ASB1: variants seen among roughly 807,000 people sequenced by gnomAD.
The protein encoded by ASB1 is ankyrin repeat and SOCS box containing 1, also known as ankyrin repeat and SOCS box protein 1.
In ASB1, 18 loss-of-function variants were observed where a neutral mutation model predicts 27.7. The ratio of observed to expected loss-of-function variants is 0.65; its 90% CI spans 0.45 to 0.96. The LOEUF (loss-of-function observed/expected upper bound fraction) is 0.96. Among genes scored for constraint, ASB1 ranks in the 50% least tolerant of loss-of-function variants. The pLI, the probability that ASB1 is intolerant of heterozygous loss-of-function variation, is 0.00. For missense variants in ASB1, 397 were observed against 451.7 expected (o/e 0.88, Z 1.10); for synonymous variants, 189 against 187.6 (o/e 1.01, Z -0.06).
At chr2:238,441,361 C>A (rs901870898) in intron 3 of ASB1, among the ~76,000 whole-genome samples, 2 of 152,144 alleles carry the variant, frequency 1.3e-5, no homozygotes, top group South Asian at 4.1e-4. Context: ...TCTCGAACTC[C>A]TGGCCTCAAG....
At position 238,444,301 on chromosome 2, in the gene ASB1, C is replaced by T. The variant is rs1485049467; in HGVS notation, c.495-41C>T. The T allele has an allele frequency of 2.6e-6, 4 of 1,556,748 alleles. No homozygotes were observed. The Admixed American group carries it at 5.3e-5, about 21-fold the overall frequency. ...ATCTGTGGGATCTGTGGGCTGTGGTCAGTCCCCTGCACAGTCTGACTTTCC... is the reference window on the plus strand; with the variant it reads ...ATCTGTGGGATCTGTGGGCTGTGGTTAGTCCCCTGCACAGTCTGACTTTCC... On this transcript the variant is annotated intron_variant, in intron 3 of 4. Coordinates refer to ENST00000264607, the MANE Select transcript of ASB1 (RefSeq NM_001040445.3).
intron 3 of ASB1, among the ~76,000 whole-genome samples, 173 bp from the exon 4 acceptor site, chr2:238,444,169 C>T (rs1174623967): frequency 2.0e-5 from 3 of 152,198 alleles, no homozygotes; most frequent in Non-Finnish European, 4.4e-5. Context: ...TTCCTGCTAC[C>T]TTATCTTGCT....
intron 3 of ASB1, among the ~76,000 whole-genome samples, chr2:238,439,775 G>A (rs944897399): frequency 1.3e-5 from 2 of 152,152 alleles, no homozygotes; most frequent in African/African-American, 4.8e-5. Context: ...ATCGCAGTGT[G>A]TCCATTACTG....
chr2:238,436,750 T>C (rs1057044496), intron 3 of ASB1, among the ~76,000 whole-genome samples: 8 of 144,856 alleles, frequency 5.5e-5, no homozygotes, highest in African/African-American at 2.1e-4. Flanking sequence ...ATATTATACT[T>C]TGTTAGGTTA....
chr2:238,427,780 C>G (rs909170669), intron 1 of ASB1: 1 of 152,380 alleles, frequency 6.6e-6, no homozygotes, highest in Admixed American at 6.5e-5. Context: ...GACAGGTTCC[C>G]GTTTCCCGGT....
Position 238,447,810 on chromosome 2 carries a change from C to G in ASB1, c.*1299C>G, listed in dbSNP as rs1026144490. ...ATTTGTAAAACTTGAACAATGATAC[C>G]GTTTTATTTACTTAGTAGCATCACT... On this transcript the variant is annotated 3_prime_UTR_variant, in exon 5 of 5. Transcript: ENST00000264607. The G allele has an allele frequency of 6.6e-6, 1 of 152,186 alleles. No individual in the cohort carries two copies. The highest frequency in any genetic ancestry group is 2.4e-5 in the African/African-American group (1 of 41,450). The allele number at this position is 152,186 out of a possible 1,614,324, so 9.4% of individuals were successfully genotyped here.
In ASB1 at chr2:238,446,407, CTG is replaced by C; in HGVS notation, c.907_908del (p.Cys303ProfsTer32). ...AGGTGTTCCCAGAACCTTGCTGTGT[CTG>C]TGCCGTGTGGCTGTGAGAAGAGCTC... is the stretch of plus-strand genomic sequence containing the variant. Reference protein sequence around the residue: ...ARSVPRTLLCLCRVAVRRALG... With the variant: ...ARSVPRTLLCXCRVAVRRALG... On this transcript the variant is annotated frameshift_variant, in exon 5 of 5. Coordinates refer to ENST00000264607, the MANE Select transcript of ASB1 (RefSeq NM_001040445.3). LOFTEE classifies it high-confidence loss of function. 6.2e-7 allele frequency: 1 copy of C among 1,611,572 alleles called. No homozygotes were observed. The highest frequency in any genetic ancestry group is 2.2e-5 in the East Asian group (1 of 44,886).
At chr2:238,439,742 C>G (rs1474575093) in intron 3 of ASB1, among the ~76,000 whole-genome samples, 7 of 152,152 alleles carry the variant, frequency 4.6e-5, no homozygotes, top group Non-Finnish European at 1.0e-4. Context: ...TGTTCGCATT[C>G]CCCTCTTATC....
intron 4 of ASB1, among the ~76,000 whole-genome samples, chr2:238,445,225 C>T (rs1057485406): frequency 6.6e-6 from 1 of 152,000 alleles, no homozygotes; most frequent in Admixed American, 6.6e-5. Context: ...GTGATCTGCC[C>T]GCCTCAGCCT....
intron 1 of ASB1, 55 bp from the exon 2 acceptor site, chr2:238,433,499 G>T (rs1701908510): frequency 6.3e-7 from 1 of 1,592,918 alleles, no homozygotes; most frequent in Admixed American, 1.7e-5. Context: ...ACCCCCTTTT[G>T]GTTAGTCTTG....
At chr2:238,428,982 T>C (rs1382857175) in intron 1 of ASB1, among the ~76,000 whole-genome samples, 2 of 152,246 alleles carry the variant, frequency 1.3e-5, no homozygotes, top group Middle Eastern at 3.4e-3. Context: ...CAGGGGAGGA[T>C]AGTTACTGAA....
In ASB1 at chr2:238,450,489, C is replaced by T. The variant is rs1001843103; in HGVS notation, c.*3978C>T. 1.5e-4 allele frequency: 23 copies of T among 152,218 alleles called. No homozygotes were observed. Among genetic ancestry groups the T allele is most frequent in the African/African-American group, 5.1e-4 (21 of 41,448 alleles). The allele number at this position is 152,218 out of a possible 1,614,324, so 9.4% of individuals were successfully genotyped here. On this transcript the variant is annotated 3_prime_UTR_variant, in exon 5 of 5. Transcript: ENST00000264607. ...CAGCCCCAGAATTTCTTCTTAAGTT[C>T]GCCTGTCTCTGAAATCCCAAAGTCA...
intron 2 of ASB1, among the ~76,000 whole-genome samples, chr2:238,434,929 T>C (rs1344967373): frequency 1.3e-5 from 2 of 152,274 alleles, no homozygotes; most frequent in Non-Finnish European, 2.9e-5. Flanking sequence ...AGTCAGAGCC[T>C]AGGCGCAGCT....
chr2:238,436,774 C>CTG (rs1553625441), intron 3 of ASB1, among the ~76,000 whole-genome samples: 1 of 147,050 alleles, frequency 6.8e-6, no homozygotes, highest in Non-Finnish European at 1.5e-5. Flanking sequence ...CTCTCTCTCT[C>CTG]TTTTTTTTTT....
At position 238,444,415 on chromosome 2, in the gene ASB1, T is replaced by A; in HGVS notation, c.568T>A (p.Ser190Thr). Reference protein sequence around the residue: ...VQPRFSRRLTSLVVCPLYISA... With the variant: ...VQPRFSRRLTTLVVCPLYISA... Reference sequence around the variant, plus strand: ...GCCTCGATTCTCCCGGCGGCTCACCTCCTTGGTGGTCTGCCCCTTGTACAT... The same window carrying A: ...GCCTCGATTCTCCCGGCGGCTCACCACCTTGGTGGTCTGCCCCTTGTACAT... The change falls in exon 4 of 5, where the codon TCC becomes ACC. Residue 190 changes from serine (S) to threonine (T), a missense_variant. Coordinates refer to ENST00000264607, the MANE Select transcript of ASB1 (RefSeq NM_001040445.3). The A allele has an allele frequency of 6.2e-7, 1 of 1,613,776 alleles. No individual in the cohort carries two copies. The highest frequency in any genetic ancestry group is 1.7e-4 in the Middle Eastern group (1 of 6,060).
At position 238,444,512 on chromosome 2, in the gene ASB1, G is replaced by T. The variant is rs1211351793; in HGVS notation, c.665G>T (p.Cys222Phe). 6.2e-7 allele frequency: 1 copy of T among 1,614,190 alleles called. No individual in the cohort carries two copies. The highest frequency in any genetic ancestry group is 1.7e-5 in the Admixed American group (1 of 60,020). Reference sequence around the variant, plus strand: ...GCTGGCGCGAACCCTGACTTCAACTGCAATGGTCCTGTCAACACACAGGGA... The same window carrying T: ...GCTGGCGCGAACCCTGACTTCAACTTCAATGGTCCTGTCAACACACAGGGA... ...LLAGANPDFN[C>F]NGPVNTQGFY... Residue 222 changes from cysteine (C) to phenylalanine (F), a missense_variant, in exon 4 of 5, where the codon TGC becomes TTC. Cys to Phe is a radical substitution (Grantham distance 205). Coordinates refer to ENST00000264607, the MANE Select transcript of ASB1 (RefSeq NM_001040445.3).
intron 4 of ASB1, among the ~76,000 whole-genome samples, chr2:238,445,175 T>A (rs746426394): frequency 2.6e-5 from 4 of 151,966 alleles, no homozygotes; most frequent in Non-Finnish European, 4.4e-5. Flanking sequence ...GATGAGGTTT[T>A]GCTGTGTTGC....
rs1702296211 is a variant in ASB1 at position 238,452,061 on chromosome 2, A to G, written c.*5550A>G. On this transcript the variant is annotated 3_prime_UTR_variant, in exon 5 of 5. Coordinates refer to ENST00000264607, the MANE Select transcript of ASB1 (RefSeq NM_001040445.3). The stretch of plus-strand genomic sequence containing the variant: ...AAAGTGTTTGAAACCTGTGGCTTTC[A>G]AGCAAGGTACCGTTGTCCCCACAGT... 6.6e-6 allele frequency: 1 copy of G among 152,136 alleles called. No homozygotes were observed. Among genetic ancestry groups the G allele is most frequent in the Admixed American group, 6.5e-5 (1 of 15,272 alleles). 9.4% of individuals were successfully genotyped at this position (152,136 alleles called of 1,614,324 possible). A position where few individuals can be genotyped will look rare whatever the true frequency, so the allele number is the denominator to read the frequency against.
At chr2:238,434,497 G>A (rs570696410) in intron 2 of ASB1, among the ~76,000 whole-genome samples, 7 of 152,162 alleles carry the variant, frequency 4.6e-5, no homozygotes, top group Non-Finnish European at 8.8e-5. Context: ...CCTACATGTT[G>A]GCGCCGAAAC....
Sources: allele counts gnomAD v4.1 joint callset (sites outside exome capture counted in the v4.1 genomes callset), GRCh38; gene constraint gnomAD v4.1.1; transcripts MANE v1.5; gene names NCBI Gene and HGNC (gene_info 2026-07-23, HGNC 2026-07-21).